The following NRG3 variants were observed in gnomAD, a reference collection of about 807,000 sequenced individuals.
NRG3 encodes the protein pro-neuregulin-3, membrane-bound isoform.
NRG3 carries 31 observed loss-of-function variants against 66.9 expected under a neutral mutation model. The observed-to-expected ratio is 0.46, with a 90% CI of 0.35 to 0.63. The LOEUF (loss-of-function observed/expected upper bound fraction) is 0.63, where lower values mean the gene tolerates loss of function less well. Among genes scored for constraint, NRG3 ranks in the 20% least tolerant of loss-of-function variants. NRG3 has a pLI of 0.00. For synonymous variants in NRG3, 393 were observed against 359.4 expected (o/e 1.09, Z -1.06); for missense variants, 910 against 878.9 (o/e 1.04, Z -0.45).
intron 1 of NRG3, among the ~76,000 whole-genome samples, chr10:82,005,860 A>C (rs2061359660): frequency 6.6e-6 from 1 of 151,350 alleles, no homozygotes; most frequent in Admixed American, 6.6e-5. Context: ...ACAATATTTC[A>C]AAAAATTCCT....
intron 3 of NRG3, among the ~76,000 whole-genome samples, chr10:82,741,480 G>A (rs1423739121): frequency 6.6e-6 from 1 of 152,192 alleles, no homozygotes; most frequent in African/African-American, 2.4e-5. Flanking sequence ...GTCAATGCCA[G>A]ATAATGTCAG....
chr10:82,224,318 C>T (rs544922634), intron 1 of NRG3: 2 of 152,282 alleles, frequency 1.3e-5, no homozygotes, highest in Non-Finnish European at 2.9e-5. Flanking sequence ...CAGCACTATA[C>T]TCTTTTCTTT....
chr10:81,990,342 T>TAA (rs2060692699), intron 1 of NRG3, among the ~76,000 whole-genome samples: 1 of 152,212 alleles, frequency 6.6e-6, no homozygotes, highest in Non-Finnish European at 1.5e-5. Flanking sequence ...ATCTAAAAGA[T>TAA]ACTTAAGTCT....
chr10:82,521,561 C>A (rs1846184479), intron 2 of NRG3, among the ~76,000 whole-genome samples: 1 of 152,058 alleles, frequency 6.6e-6, no homozygotes, highest in Non-Finnish European at 1.5e-5. Flanking sequence ...AGGATGGTCT[C>A]AATCTCCTGA....
chr10:82,017,711 G>A (rs2061850006), intron 1 of NRG3, among the ~76,000 whole-genome samples: 2 of 152,176 alleles, frequency 1.3e-5, no homozygotes, highest in South Asian at 4.1e-4. Context: ...ATCTTTTCAT[G>A]TGTCTGTTGG....
chr10:82,584,880 G>A (rs1466281881), intron 2 of NRG3, among the ~76,000 whole-genome samples: 3 of 152,148 alleles, frequency 2.0e-5, no homozygotes, highest in African/African-American at 7.2e-5. Flanking sequence ...GAAGGACACA[G>A]TGCTTTTGGC....
chr10:82,171,654 A>G (rs1013876976), intron 1 of NRG3, among the ~76,000 whole-genome samples: 1 of 152,092 alleles, frequency 6.6e-6, no homozygotes, highest in Non-Finnish European at 1.5e-5. Context: ...GAGGTAGGCA[A>G]TTCAAGAATT....
At chr10:82,420,903 A>G (rs950819859) in intron 2 of NRG3, among the ~76,000 whole-genome samples, 4 of 152,188 alleles carry the variant, frequency 2.6e-5, no homozygotes, top group South Asian at 2.1e-4. Flanking sequence ...GCTAGATTAA[A>G]TACTTTGTAA....
chr10:82,494,504 G>T (rs955361198), intron 2 of NRG3, among the ~76,000 whole-genome samples: 8 of 151,724 alleles, frequency 5.3e-5, no homozygotes, highest in Admixed American at 2.0e-4. Flanking sequence ...TGTGTGTATG[G>T]ATTTGCGTGA....
At chr10:82,162,652 C>A (rs2071690064) in intron 1 of NRG3, among the ~76,000 whole-genome samples, 1 of 152,176 alleles carries the variant, frequency 6.6e-6, no homozygotes, top group African/African-American at 2.4e-5. Context: ...TCCACCGCTT[C>A]TCAGCCTATC....
intron 2 of NRG3, among the ~76,000 whole-genome samples, chr10:82,494,940 CT>C (rs982018432): frequency 4.2e-4 from 61 of 145,506 alleles, no homozygotes; most frequent in South Asian, 4.4e-4. Flanking sequence ...TTTCTTTTTT[CT>C]TTTTTTTTTT....
At chr10:82,702,728 C>T (rs1032761433) in intron 2 of NRG3, among the ~76,000 whole-genome samples, 1 of 152,086 alleles carries the variant, frequency 6.6e-6, no homozygotes, top group Non-Finnish European at 1.5e-5. Flanking sequence ...TGAAGGGACA[C>T]ACGAGTCCTT....
chr10:82,014,236 G>A (rs1167456106), intron 1 of NRG3, among the ~76,000 whole-genome samples: 1 of 152,150 alleles, frequency 6.6e-6, no homozygotes, highest in African/African-American at 2.4e-5. Flanking sequence ...CCATAAGCAA[G>A]TGCTTTATAC....
chr10:81,944,236 A>G (rs1046643697), intron 1 of NRG3, among the ~76,000 whole-genome samples: 2 of 152,250 alleles, frequency 1.3e-5, no homozygotes, highest in Non-Finnish European at 2.9e-5. Context: ...GACAACATAG[A>G]GCTCATAATA....
At chr10:81,914,727 G>A (rs907277810) in intron 1 of NRG3, among the ~76,000 whole-genome samples, 2 of 144,164 alleles carry the variant, frequency 1.4e-5, no homozygotes, top group African/African-American at 5.1e-5. Context: ...CTGTACTCCA[G>A]TCTGGACAAC....
intron 1 of NRG3, among the ~76,000 whole-genome samples, chr10:82,292,293 T>A (rs941517331): frequency 1.3e-5 from 2 of 151,780 alleles, no homozygotes; most frequent in Non-Finnish European, 2.9e-5. Flanking sequence ...TCATAATGGC[T>A]AAAGTTAAAA....
chr10:81,906,836 G>A (rs1413780336), intron 1 of NRG3, among the ~76,000 whole-genome samples: 1 of 152,170 alleles, frequency 6.6e-6, no homozygotes, highest in Non-Finnish European at 1.5e-5. Context: ...CCTGGAGTGG[G>A]AGCAAAGGAG....
intron 2 of NRG3, among the ~76,000 whole-genome samples, chr10:82,409,201 G>A (rs1322683590): frequency 6.6e-6 from 1 of 152,130 alleles, no homozygotes; most frequent in Non-Finnish European, 1.5e-5. Context: ...CTAAAGTAAA[G>A]CATTTCTGAA....
chr10:82,449,989 G>A (rs1010635179), intron 2 of NRG3, among the ~76,000 whole-genome samples: 1 of 152,200 alleles, frequency 6.6e-6, no homozygotes, highest in Non-Finnish European at 1.5e-5. Context: ...AGTGGTTTCT[G>A]TGGATTTTGT....
Sources: gnomAD v4.1 joint callset for allele counts (sites outside exome capture counted in the v4.1 genomes callset) on GRCh38, gnomAD v4.1.1 for gene constraint, MANE v1.5 for transcripts, NCBI Gene and HGNC (gene_info 2026-07-23, HGNC 2026-07-21) for gene names.